The following SCN3A variants were observed in gnomAD, a reference collection of about 807,000 sequenced individuals.
The protein encoded by SCN3A is sodium channel protein type 3 subunit alpha.
Under a neutral mutation model 187.6 loss-of-function variants are expected in SCN3A, and 60 were observed. The ratio of observed to expected loss-of-function variants is 0.32; its 90% CI spans 0.26 to 0.40. The LOEUF (loss-of-function observed/expected upper bound fraction) is 0.40, where lower values mean the gene tolerates loss of function less well. Among genes scored for constraint, SCN3A ranks in the 10% least tolerant of loss-of-function variants. The pLI is 1.00. For missense variants in SCN3A, 1,601 were observed against 2,428.2 expected (o/e 0.66, Z 7.16); for synonymous variants, 788 against 829.2 (o/e 0.95, Z 0.85).
At chr2:165,142,066 C>A (rs1012862101) in intron 12 of SCN3A, among the ~76,000 whole-genome samples, 1 of 152,112 alleles carries the variant, frequency 6.6e-6, no homozygotes, top group African/African-American at 2.4e-5. Context: ...ATTCAGTCTG[C>A]AGAATATTTG....
chr2:165,148,048 CTAATA>C (rs1688458712), intron 11 of SCN3A, among the ~76,000 whole-genome samples: 1 of 152,086 alleles, frequency 6.6e-6, no homozygotes, highest in Non-Finnish European at 1.5e-5. Flanking sequence ...TCTAACTTAT[CTAATA>C]TATTATCTTT....
At chr2:165,100,850 TTCACTGATTAGA>T (rs1471124793) in intron 21 of SCN3A, among the ~76,000 whole-genome samples, 1 of 152,216 alleles carries the variant, frequency 6.6e-6, no homozygotes, top group East Asian at 1.9e-4. Flanking sequence ...TGTAATAGCG[TTCACTGATTAGA>T]TATCTTATCT....
At position 165,155,820 on chromosome 2, in the gene SCN3A, G is replaced by A. The variant is rs768759136; in HGVS notation, c.1115C>T (p.Ala372Val). The A allele has an allele frequency of 6.2e-7, 1 of 1,614,106 alleles. No homozygotes were observed. Among genetic ancestry groups the A allele is most frequent in the Non-Finnish European group, 8.5e-7 (1 of 1,179,996 alleles). Residue 372 changes from alanine to valine, a missense_variant, in exon 10 of 28, where the codon GCT becomes GTT. This residue lies in a region of SCN3A where 47 missense variants were observed against 105.8 expected (regional missense o/e 0.44). Coordinates refer to ENST00000283254, the MANE Select transcript of SCN3A (RefSeq NM_006922.4). ...GYTSFDTFSWAFLSLFRLMTQ... is the reference protein window; with the variant it reads ...GYTSFDTFSWVFLSLFRLMTQ... Reference sequence around the variant, plus strand: ...CATGAGTCGAAATAGAGACAGGAAAGCCCAGCTAAAGGTGTCAAAGCTTGT... The same window carrying A: ...CATGAGTCGAAATAGAGACAGGAAAACCCAGCTAAAGGTGTCAAAGCTTGT...
At chr2:165,153,987 ATTTTTTTT>A (rs71393659) in intron 11 of SCN3A, among the ~76,000 whole-genome samples, 11 of 92,768 alleles carry the variant, frequency 1.2e-4, no homozygotes, top group South Asian at 4.1e-4. Flanking sequence ...TATAGCAAAC[ATTTTTTTT>A]TTTTTTTTTT....
rs1332028506 is a variant in SCN3A at position 165,191,297 on chromosome 2, T to C, written c.-247-4550A>G. ...GCCAGCCTGACTCCCATATAGCCTGTTTTTACCTTGCCTGTCAGAGTGATT... is the reference window on the plus strand; with the variant it reads ...GCCAGCCTGACTCCCATATAGCCTGCTTTTACCTTGCCTGTCAGAGTGATT... On this transcript the variant is annotated intron_variant, in intron 1 of 27. Coordinates refer to ENST00000283254, the MANE Select transcript of SCN3A (RefSeq NM_006922.4). Among the ~76,000 whole-genome samples the C allele has an allele frequency of 4.6e-5, 7 of 152,184 alleles. No individual in the cohort carries two copies. In the East Asian group the frequency reaches 1.4e-3, roughly 29 times the overall value.
chr2:165,156,234 C>T (rs920396369), intron 9 of SCN3A, among the ~76,000 whole-genome samples: 3 of 152,052 alleles, frequency 2.0e-5, no homozygotes, highest in East Asian at 1.9e-4. Context: ...AGGCCGGGTG[C>T]AGTGGCTCAC....
chr2:165,129,289 T>C (rs1687175032), intron 17 of SCN3A, among the ~76,000 whole-genome samples: 1 of 152,250 alleles, frequency 6.6e-6, no homozygotes, highest in African/African-American at 2.4e-5. Context: ...TAAGTCACAG[T>C]TAAAAGTAAC....
intron 18 of SCN3A, among the ~76,000 whole-genome samples, chr2:165,116,943 A>ATTTTTTTT (rs11395597): frequency 1.7e-5 from 2 of 118,198 alleles, no homozygotes; most frequent in African/African-American, 3.2e-5. Flanking sequence ...TGATAGCACA[A>ATTTTTTTT]TTTTTTTTTT....
intron 14 of SCN3A, 58 bp from the exon 15 acceptor site, chr2:165,138,175 C>A: frequency 1.6e-6 from 2 of 1,234,844 alleles, no homozygotes; most frequent in African/African-American, 1.5e-5. Flanking sequence ...GTTATTATTG[C>A]TAGTAGATTT....
At chr2:165,105,615 C>T (rs530971668) in intron 21 of SCN3A, among the ~76,000 whole-genome samples, 5 of 152,080 alleles carry the variant, frequency 3.3e-5, no homozygotes, top group African/African-American at 1.2e-4. Flanking sequence ...AGGGATTTGG[C>T]CAGCTGGGGT....
chr2:165,155,595 T>C (rs1439911099), intron 10 of SCN3A, among the ~76,000 whole-genome samples, 167 bp downstream of exon 10: 1 of 152,126 alleles, frequency 6.6e-6, no homozygotes, highest in Non-Finnish European at 1.5e-5. Context: ...GATGGGGTTT[T>C]GCCATGTTGT....
intron 9 of SCN3A, 148 bp from the exon 10 acceptor site, chr2:165,156,051 A>G: frequency 1.1e-6 from 1 of 872,904 alleles, no homozygotes; most frequent in African/African-American, 1.7e-5. Context: ...GTGATTGCCC[A>G]CCGTGAAACT....
intron 4 of SCN3A, 70 bp downstream of exon 4, chr2:165,170,360 A>G (rs1690027672): frequency 2.1e-6 from 2 of 931,498 alleles, no homozygotes; most frequent in Non-Finnish European, 3.5e-6. Context: ...ATACTTGAAA[A>G]TATAACTGAC....
chr2:165,109,838 C>G (rs957689367), intron 21 of SCN3A, among the ~76,000 whole-genome samples: 7 of 152,232 alleles, frequency 4.6e-5, no homozygotes, highest in African/African-American at 1.7e-4. Context: ...CAATAAAATA[C>G]GAACTTCTTG....
At chr2:165,134,166 G>A (rs1046613988) in intron 15 of SCN3A, among the ~76,000 whole-genome samples, 1 of 152,102 alleles carries the variant, frequency 6.6e-6, no homozygotes, top group African/African-American at 2.4e-5. Flanking sequence ...TCACTTGAGT[G>A]GCTAGATAAA....
At chr2:165,202,384 T>G (rs967178796) in intron 1 of SCN3A, among the ~76,000 whole-genome samples, 1 of 152,062 alleles carries the variant, frequency 6.6e-6, no homozygotes, top group African/African-American at 2.4e-5. Flanking sequence ...TGATGCTTAC[T>G]CAGAACAAAG....
intron 1 of SCN3A, among the ~76,000 whole-genome samples, chr2:165,192,777 G>A (rs1691697862): frequency 6.6e-6 from 1 of 152,046 alleles, no homozygotes; most frequent in African/African-American, 2.4e-5. Context: ...TGTTGTTATT[G>A]AAGATGTGCC....
At chr2:165,162,414 T>A (rs1689463007) in intron 8 of SCN3A, 43 bp from the exon 9 acceptor site, 4 of 1,600,868 alleles carry the variant, frequency 2.5e-6, no homozygotes, top group Non-Finnish European at 3.4e-6. Context: ...ATATTAATCC[T>A]ATTCACATTA....
At chr2:165,174,272 G>A (rs1690309997) in intron 3 of SCN3A, among the ~76,000 whole-genome samples, 1 of 152,126 alleles carries the variant, frequency 6.6e-6, no homozygotes, top group South Asian at 2.1e-4. Flanking sequence ...TTGTAGTGAT[G>A]TAATGAGCAC....
Sources: gnomAD v4.1 joint callset for allele counts (sites outside exome capture counted in the v4.1 genomes callset) on GRCh38, gnomAD v4.1.1 for gene constraint, gnomAD v4.1.1 regional missense constraint, MANE v1.5 for transcripts, NCBI Gene and HGNC (gene_info 2026-07-23, HGNC 2026-07-21) for gene names.